Variants in LMX1A observed in about 807,000 individuals in gnomAD.
The protein encoded by LMX1A is LIM homeobox transcription factor 1-alpha.
A neutral mutation model predicts 49.1 loss-of-function variants in LMX1A; 15 were observed. The ratio of observed to expected loss-of-function variants is 0.31; its 90% CI spans 0.20 to 0.47. The LOEUF is 0.47. Ranked by LOEUF, LMX1A falls within the 20% of genes least tolerant of loss-of-function variation. LMX1A has a pLI of 1.00. For missense variants in LMX1A, 372 were observed against 475.8 expected (o/e 0.78, Z 2.03); for synonymous variants, 167 against 185.7 (o/e 0.90, Z 0.82).
chr1:165,318,924 A>T (rs1386685447), intron 3 of LMX1A, among the ~76,000 whole-genome samples: 1 of 150,660 alleles, frequency 6.6e-6, no homozygotes, highest in Non-Finnish European at 1.5e-5. Flanking sequence ...CCTCCTGGTT[A>T]AGCCCGGGTT....
At chr1:165,260,420 A>G (rs949228722) in intron 3 of LMX1A, among the ~76,000 whole-genome samples, 5 of 151,912 alleles carry the variant, frequency 3.3e-5, no homozygotes, top group African/African-American at 9.7e-5. Flanking sequence ...TTGATGGGGA[A>G]GATTCTGGGA....
At chr1:165,301,977 G>A (rs772021155) in intron 3 of LMX1A, among the ~76,000 whole-genome samples, 11 of 152,080 alleles carry the variant, frequency 7.2e-5, no homozygotes, top group South Asian at 2.1e-4. Context: ...AACATCATTC[G>A]TCTTCTTGTT....
intron 3 of LMX1A, among the ~76,000 whole-genome samples, chr1:165,339,288 C>G (rs1005633038): frequency 6.6e-6 from 1 of 152,154 alleles, no homozygotes; most frequent in Admixed American, 6.5e-5. Flanking sequence ...GTACCCACAC[C>G]CTGAACTCCC....
At chr1:165,311,777 A>C (rs2101734358) in intron 3 of LMX1A, among the ~76,000 whole-genome samples, 1 of 152,346 alleles carries the variant, frequency 6.6e-6, no homozygotes, top group East Asian at 1.9e-4. Flanking sequence ...AAGGCATTCA[A>C]GATCTTTGAA....
intron 3 of LMX1A, among the ~76,000 whole-genome samples, chr1:165,308,480 C>A (rs1009699996): frequency 8.5e-5 from 13 of 152,184 alleles, no homozygotes; most frequent in African/African-American, 2.7e-4. Flanking sequence ...CTGAAGAAAG[C>A]AAAGTCCCTA....
intron 4 of LMX1A, among the ~76,000 whole-genome samples, chr1:165,221,350 C>T (rs956301130): frequency 6.6e-6 from 1 of 152,078 alleles, no homozygotes; most frequent in African/African-American, 2.4e-5. Flanking sequence ...AGGGGCAGAG[C>T]TTATTTTAAA....
At chr1:165,346,645 C>T (rs1451819415) in intron 3 of LMX1A, among the ~76,000 whole-genome samples, 2 of 152,270 alleles carry the variant, frequency 1.3e-5, no homozygotes, top group East Asian at 1.9e-4. Context: ...GATGAAGGGC[C>T]GCAGTTTTCT....
chr1:165,290,732 T>A (rs1312013317), intron 3 of LMX1A, among the ~76,000 whole-genome samples: 1 of 152,184 alleles, frequency 6.6e-6, no homozygotes, highest in Non-Finnish European at 1.5e-5. Flanking sequence ...ACTCTCAGAT[T>A]TGGACAAGAC....
chr1:165,223,502 T>A (rs1019006376), intron 4 of LMX1A, among the ~76,000 whole-genome samples: 1 of 152,114 alleles, frequency 6.6e-6, no homozygotes, highest in Non-Finnish European at 1.5e-5. Context: ...AGATGGTGAA[T>A]AAAGAAAAAC....
At chr1:165,331,528 T>TAA (rs1655741214) in intron 3 of LMX1A, among the ~76,000 whole-genome samples, 1 of 152,130 alleles carries the variant, frequency 6.6e-6, no homozygotes, top group Non-Finnish European at 1.5e-5. Context: ...ATATCTGAAG[T>TAA]AAAAATTTCA....
At chr1:165,225,161 G>A (rs1172001412) in intron 4 of LMX1A, among the ~76,000 whole-genome samples, 1 of 152,180 alleles carries the variant, frequency 6.6e-6, no homozygotes, top group Non-Finnish European at 1.5e-5. Flanking sequence ...AGGACAGCTT[G>A]GGGGAAAGAG....
At chr1:165,320,736 A>G (rs1385191707) in intron 3 of LMX1A, among the ~76,000 whole-genome samples, 2 of 152,196 alleles carry the variant, frequency 1.3e-5, no homozygotes, top group Non-Finnish European at 2.9e-5. Context: ...CAAGTAACCC[A>G]GCTTTTCTGG....
chr1:165,201,914 G>A lies in LMX1A; in HGVS notation c.*1966C>T, dbSNP rs1650860877. Reference sequence around the variant, plus strand: ...TCATCTTGGTATGCCATTAAGGAGTGGAATAAGGATCTCTATTCATTTTCA... The same window carrying A: ...TCATCTTGGTATGCCATTAAGGAGTAGAATAAGGATCTCTATTCATTTTCA... On this transcript the variant is annotated 3_prime_UTR_variant, in exon 9 of 9. Transcript: ENST00000342310. 1 of 152,350 alleles carries A rather than the reference G, an allele frequency of 6.6e-6. No individual in the cohort carries two copies. The highest frequency in any genetic ancestry group is 1.9e-4 in the East Asian group (1 of 5,156). The allele number at this position is 152,350 out of a possible 1,614,324, so 9.4% of individuals were successfully genotyped here.
chr1:165,205,458 A>G (rs1231341465), intron 8 of LMX1A, among the ~76,000 whole-genome samples: 1 of 152,250 alleles, frequency 6.6e-6, no homozygotes, highest in East Asian at 1.9e-4. Context: ...AGGATAGTCC[A>G]GTTAGAAAAT....
At chr1:165,337,036 G>A (rs1409161196) in intron 3 of LMX1A, among the ~76,000 whole-genome samples, 1 of 151,954 alleles carries the variant, frequency 6.6e-6, no homozygotes, top group African/African-American at 2.4e-5. Flanking sequence ...ACATGAGGGA[G>A]GAGTCAAACT....
At chr1:165,230,071 G>A (rs1220548122) in intron 4 of LMX1A, among the ~76,000 whole-genome samples, 2 of 152,144 alleles carry the variant, frequency 1.3e-5, no homozygotes, top group African/African-American at 4.8e-5. Flanking sequence ...TTCTCTTTTT[G>A]CCACTTGAGA....
At chr1:165,305,618 A>G (rs937007738) in intron 3 of LMX1A, among the ~76,000 whole-genome samples, 1 of 152,202 alleles carries the variant, frequency 6.6e-6, no homozygotes, top group African/African-American at 2.4e-5. Flanking sequence ...CTAACTACAC[A>G]TTCCACAGTG....
At chr1:165,307,954 C>T (rs1342886801) in intron 3 of LMX1A, among the ~76,000 whole-genome samples, 4 of 152,170 alleles carry the variant, frequency 2.6e-5, no homozygotes, top group Non-Finnish European at 4.4e-5. Flanking sequence ...TGCTCCTCCC[C>T]CTTCCTCCTT....
intron 5 of LMX1A, among the ~76,000 whole-genome samples, chr1:165,211,684 C>A (rs1280471946): frequency 6.6e-6 from 1 of 152,158 alleles, no homozygotes; most frequent in African/African-American, 2.4e-5. Context: ...GTTTTTATAG[C>A]ACATCCTTCT....
Sources: gnomAD v4.1 joint callset for allele counts (sites outside exome capture counted in the v4.1 genomes callset) on GRCh38, gnomAD v4.1.1 for gene constraint, MANE v1.5 for transcripts, NCBI Gene and HGNC (gene_info 2026-07-23, HGNC 2026-07-21) for gene names.